The following PGBD2 variants were observed in gnomAD, a reference collection of about 807,000 sequenced individuals.
PGBD2 encodes piggyBac transposable element derived 2.
PGBD2 carries 6 observed loss-of-function variants against 8.1 expected under a neutral mutation model. That is an observed-to-expected ratio of 0.74 (90% CI 0.40 to 1.46). The LOEUF (loss-of-function observed/expected upper bound fraction) is 1.46, where lower values mean the gene tolerates loss of function less well. Ranked by LOEUF, PGBD2 falls within the 40% of genes most tolerant of loss-of-function variation. The pLI, the probability that PGBD2 is intolerant of heterozygous loss-of-function variation, is 0.02. For missense variants in PGBD2, 802 were observed against 739.0 expected, an observed-to-expected ratio of 1.09 and a Z score of -0.99; for synonymous variants, 318 against 272.2, an observed-to-expected ratio of 1.17 and a Z score of -1.66.
the PGBD2 span, among the ~76,000 whole-genome samples, chr1:248,873,036 C>T: frequency 6.6e-6 from 1 of 151,724 alleles, no homozygotes; most frequent in Admixed American, 6.6e-5. Context: ...TGCTGGTCAT[C>T]TCCTTCACTA....
chr1:248,887,329 T>C, the PGBD2 span, among the ~76,000 whole-genome samples: 2 of 152,238 alleles, frequency 1.3e-5, no homozygotes, highest in Non-Finnish European at 2.9e-5. Flanking sequence ...CCATCTCTGA[T>C]GGTTCCTCAG....
chr1:248,878,840 C>T, the PGBD2 span, among the ~76,000 whole-genome samples: 5 of 152,154 alleles, frequency 3.3e-5, no homozygotes, highest in South Asian at 2.1e-4. Flanking sequence ...GGTGGCTCGC[C>T]GCTATTGCTA....
chr1:248,911,641 C>A (rs1323928791), intron 1 of PGBD2, among the ~76,000 whole-genome samples: 1 of 147,738 alleles, frequency 6.8e-6, no homozygotes. Flanking sequence ...GGCACACCTC[C>A]CAGACGGGGC....
chr1:248,886,229 C>CA, the PGBD2 span, among the ~76,000 whole-genome samples: 4 of 151,334 alleles, frequency 2.6e-5, no homozygotes, highest in East Asian at 1.9e-4. Flanking sequence ...ACCATAAAGA[C>CA]AAAAAAATAA....
At chr1:248,903,979 A>G (rs547071802), upstream of PGBD2, among the ~76,000 whole-genome samples, 1 of 152,340 alleles carries the variant, frequency 6.6e-6, no homozygotes, top group African/African-American at 2.4e-5. Context: ...CACCCCATAC[A>G]TACACACAAA....
downstream of PGBD2, among the ~76,000 whole-genome samples, chr1:248,924,294 A>G (rs563577899): frequency 5.9e-4 from 90 of 152,344 alleles, 1 homozygote; most frequent in Middle Eastern, 3.4e-3. Flanking sequence ...GCTGGCTTCC[A>G]GCACGTGGCG....
At chr1:248,882,819 A>G in the PGBD2 span, among the ~76,000 whole-genome samples, 3 of 152,142 alleles carry the variant, frequency 2.0e-5, no homozygotes, top group African/African-American at 7.2e-5. Flanking sequence ...TGGCAGTCCA[A>G]CCTGGCATTG....
At chr1:248,893,911 TTTG>T in the PGBD2 span, among the ~76,000 whole-genome samples, 1 of 152,222 alleles carries the variant, frequency 6.6e-6, no homozygotes, top group African/African-American at 2.4e-5. Context: ...TCTTTTCTTT[TTTG>T]TTAATTGATT....
At chr1:248,916,475 T>A in intron 2 of PGBD2, 127 bp from the exon 3 acceptor site, 2 of 728,240 alleles carry the variant, frequency 2.7e-6, no homozygotes, top group Non-Finnish European at 4.5e-6. Context: ...ATGCGGTGCC[T>A]TGTGATGCCA....
At chr1:248,899,465 G>A in the PGBD2 span, among the ~76,000 whole-genome samples, 8,566 of 152,038 alleles carry the variant, frequency 0.056, 824 homozygotes, top group African/African-American at 0.2. Flanking sequence ...ACACCACTAC[G>A]TAGAAATTGA....
the PGBD2 span, among the ~76,000 whole-genome samples, chr1:248,884,150 A>C: frequency 6.6e-6 from 1 of 152,186 alleles, no homozygotes. Context: ...GTCCAGCTTC[A>C]TTCTTCTGCA....
At chr1:248,874,763 TCATTTTTTAAATAAGTA>T in the PGBD2 span, among the ~76,000 whole-genome samples, 1 of 152,158 alleles carries the variant, frequency 6.6e-6, no homozygotes, top group African/African-American at 2.4e-5. Context: ...ATCTATCTTT[TCATTTTTTAAATAAGTA>T]GAGATAATTG....
Position 248,918,993 on chromosome 1 carries a change from C to T in PGBD2, c.*630C>T, listed in dbSNP as rs1662223620. The T allele has an allele frequency of 6.0e-6, 1 of 166,914 alleles. No individual in the cohort carries two copies. Among genetic ancestry groups the T allele is most frequent in the Non-Finnish European group, 1.5e-5 (1 of 68,080 alleles). The allele number at this position is 166,914 out of a possible 1,614,324, so 10.3% of individuals were successfully genotyped here. A position where few individuals can be genotyped will look rare whatever the true frequency, so the allele number is the denominator to read the frequency against. On this transcript the variant is annotated 3_prime_UTR_variant, in exon 3 of 3. Coordinates refer to ENST00000329291, the MANE Select transcript of PGBD2 (RefSeq NM_170725.3). ...AGTAGGAGTGTATTTTTATGGGTTA[C>T]ATGAGATATTCTGATACAAACATGC...
At chr1:248,916,457 C>T in intron 2 of PGBD2, 145 bp from the exon 3 acceptor site, 1 of 658,880 alleles carries the variant, frequency 1.5e-6, no homozygotes, top group Non-Finnish European at 2.5e-6. Flanking sequence ...GGAAAATTTA[C>T]TTACTAAATG....
the PGBD2 span, among the ~76,000 whole-genome samples, chr1:248,893,066 C>T: frequency 6.6e-6 from 1 of 152,068 alleles, no homozygotes; most frequent in Non-Finnish European, 1.5e-5. Flanking sequence ...ATTTATTTTT[C>T]CCAGATTTAT....
At chr1:248,909,575 C>T (rs779507194) in intron 1 of PGBD2, among the ~76,000 whole-genome samples, 1 of 152,144 alleles carries the variant, frequency 6.6e-6, no homozygotes, top group Non-Finnish European at 1.5e-5. Context: ...TATTGAGGGC[C>T]TGCTGCATGC....
the PGBD2 span, among the ~76,000 whole-genome samples, chr1:248,885,310 T>A: frequency 6.7e-6 from 1 of 148,334 alleles, no homozygotes; most frequent in Non-Finnish European, 1.5e-5. Context: ...ACTTTTTAAT[T>A]TTTTTTTTTT....
the PGBD2 span, among the ~76,000 whole-genome samples, chr1:248,928,373 A>G: frequency 2.0e-5 from 3 of 152,016 alleles, no homozygotes; most frequent in Non-Finnish European, 2.9e-5. Flanking sequence ...CCATCCTTCA[A>G]CTTCCCCTCT....
the PGBD2 span, among the ~76,000 whole-genome samples, chr1:248,894,548 C>T: frequency 6.6e-6 from 1 of 152,180 alleles, no homozygotes; most frequent in Non-Finnish European, 1.5e-5. Flanking sequence ...TCATGGCACT[C>T]TTGTTAAACA....
Sources: allele counts gnomAD v4.1 joint callset (sites outside exome capture counted in the v4.1 genomes callset), GRCh38; gene constraint gnomAD v4.1.1; transcripts MANE v1.5; gene names NCBI Gene and HGNC (gene_info 2026-07-23, HGNC 2026-07-21).